PSTPIP2: variants seen among roughly 807,000 people sequenced by gnomAD.
The protein encoded by PSTPIP2 is proline-serine-threonine phosphatase-interacting protein 2.
A neutral mutation model predicts 63.3 loss-of-function variants in PSTPIP2; 33 were observed. That is an observed-to-expected ratio of 0.52 (90% CI 0.40 to 0.70). The LOEUF (loss-of-function observed/expected upper bound fraction) is 0.70. Ranked by LOEUF, PSTPIP2 falls within the 30% of genes least tolerant of loss-of-function variation. PSTPIP2 has a pLI of 0.00. For missense variants in PSTPIP2, 312 were observed against 400.7 expected, an observed-to-expected ratio of 0.78 and a Z score of 1.89; for synonymous variants, 125 against 132.7, an observed-to-expected ratio of 0.94 and a Z score of 0.40.
intron 2 of PSTPIP2, among the ~76,000 whole-genome samples, chr18:46,035,141 G>T (rs760182845): frequency 8.5e-5 from 13 of 152,122 alleles, no homozygotes; most frequent in African/African-American, 2.9e-4. Flanking sequence ...GAGAAATAAG[G>T]TCGGGCATGG....
At chr18:46,042,084 C>T (rs1457057634) in intron 1 of PSTPIP2, among the ~76,000 whole-genome samples, 2 of 152,190 alleles carry the variant, frequency 1.3e-5, no homozygotes, top group Non-Finnish European at 2.9e-5. Context: ...CCTAACAAGC[C>T]ATTTCACCTT....
intron 5 of PSTPIP2, 142 bp from the exon 6 acceptor site, chr18:46,005,673 CCAAA>C (rs2051717510): frequency 8.5e-6 from 6 of 704,248 alleles, no homozygotes; most frequent in Admixed American, 6.5e-5. Context: ...AGAAAAGAGA[CCAAA>C]CAATTTGCCT....
chr18:46,033,969 G>C (rs998185324), intron 2 of PSTPIP2, among the ~76,000 whole-genome samples: 1 of 152,198 alleles, frequency 6.6e-6, no homozygotes, highest in Admixed American at 6.5e-5. Flanking sequence ...GAGGCAATTT[G>C]TCCCAACAGT....
intron 1 of PSTPIP2, among the ~76,000 whole-genome samples, chr18:46,053,512 A>G (rs551003090): frequency 6.6e-6 from 1 of 152,348 alleles, no homozygotes; most frequent in South Asian, 2.1e-4. Flanking sequence ...TCTAATGAAC[A>G]TCTTACATGA....
chr18:46,015,792 T>C, intron 4 of PSTPIP2, 111 bp downstream of exon 4: 1 of 1,202,150 alleles, frequency 8.3e-7, no homozygotes, highest in Non-Finnish European at 1.2e-6. Context: ...GTTGCTCTAA[T>C]TTTTTTTCAC....
intron 14 of PSTPIP2, among the ~76,000 whole-genome samples, chr18:45,988,027 G>A (rs4890609): frequency 0.24 from 36,622 of 152,040 alleles, 6,305 homozygotes; most frequent in African/African-American, 0.47. Flanking sequence ...TTAGATGGTG[G>A]GAGAGTAAGC....
At chr18:46,005,641 A>G in intron 5 of PSTPIP2, 110 bp from the exon 6 acceptor site, 1 of 799,984 alleles carries the variant, frequency 1.3e-6, no homozygotes, top group South Asian at 2.0e-5. Flanking sequence ...CAAAATGATT[A>G]CCCACATTTC....
At chr18:46,049,677 T>C in intron 1 of PSTPIP2, among the ~76,000 whole-genome samples, 1 of 152,074 alleles carries the variant, frequency 6.6e-6, no homozygotes. Context: ...GTCAGGAGAT[T>C]GAGACCATCC....
At chr18:46,068,204 T>C (rs1268277299) in intron 1 of PSTPIP2, among the ~76,000 whole-genome samples, 3 of 152,156 alleles carry the variant, frequency 2.0e-5, no homozygotes, top group Non-Finnish European at 4.4e-5. Context: ...TTATAAGCAA[T>C]CTGGAGAATA....
intron 3 of PSTPIP2, among the ~76,000 whole-genome samples, chr18:46,020,392 C>T (rs1342825233): frequency 5.9e-5 from 9 of 152,302 alleles, no homozygotes; most frequent in South Asian, 4.1e-4. Flanking sequence ...CGGTAGCTCA[C>T]GCCTGTAATC....
At chr18:45,991,020 T>C (rs1016858408) in intron 12 of PSTPIP2, among the ~76,000 whole-genome samples, 16 of 152,120 alleles carry the variant, frequency 1.1e-4, no homozygotes, top group African/African-American at 3.1e-4. Context: ...AGGATTAAAA[T>C]CTTAGCTGGG....
intron 1 of PSTPIP2, among the ~76,000 whole-genome samples, chr18:46,056,089 G>C (rs1262256798): frequency 1.3e-5 from 2 of 152,166 alleles, no homozygotes; most frequent in Admixed American, 1.3e-4. Context: ...CAGCAGAGAT[G>C]GGCTCCCCAC....
Position 46,070,782 on chromosome 18 carries a change from C to T in PSTPIP2, c.33+1374G>A, listed in dbSNP as rs554529128. On this transcript the variant is annotated intron_variant, in intron 1 of 14. Coordinates refer to ENST00000409746, the MANE Select transcript of PSTPIP2 (RefSeq NM_024430.4). ...CAATCCTCCTACCTCGGCCTCCCAA[C>T]GTGCTGGGATCACAGGCATGAGCCA... Among the ~76,000 whole-genome samples the T allele has an allele frequency of 7.8e-4, 119 of 152,260 alleles. 1 individual carries two copies. Among genetic ancestry groups the T allele is most frequent in the Middle Eastern group, 3.4e-3 (1 of 294 alleles).
chr18:46,068,761 A>T (rs555792217), intron 1 of PSTPIP2, among the ~76,000 whole-genome samples: 1 of 152,316 alleles, frequency 6.6e-6, no homozygotes, highest in South Asian at 2.1e-4. Flanking sequence ...TGGTACCTGC[A>T]TGGGAGTCCT....
intron 5 of PSTPIP2, among the ~76,000 whole-genome samples, chr18:46,009,285 A>G (rs187772390): frequency 2.6e-5 from 4 of 151,098 alleles, no homozygotes; most frequent in African/African-American, 7.3e-5. Flanking sequence ...CCAAGAAGTG[A>G]AAGACCAAAG....
At chr18:46,046,848 C>G (rs1231595279) in intron 1 of PSTPIP2, among the ~76,000 whole-genome samples, 1 of 152,242 alleles carries the variant, frequency 6.6e-6, no homozygotes, top group Non-Finnish European at 1.5e-5. Flanking sequence ...CCCACTAGAA[C>G]AGGGAGGAGG....
At chr18:46,047,579 G>A (rs1433055246) in intron 1 of PSTPIP2, among the ~76,000 whole-genome samples, 1 of 152,060 alleles carries the variant, frequency 6.6e-6, no homozygotes, top group Non-Finnish European at 1.5e-5. Flanking sequence ...ACAACAGAGC[G>A]AGAATGTGCC....
At chr18:46,018,170 G>C (rs1182563556) in intron 3 of PSTPIP2, among the ~76,000 whole-genome samples, 1 of 151,734 alleles carries the variant, frequency 6.6e-6, no homozygotes, top group African/African-American at 2.4e-5. Flanking sequence ...GTTAGTTCTA[G>C]TATCTACAGT....
At chr18:46,014,586 G>A (rs2051834213) in intron 4 of PSTPIP2, among the ~76,000 whole-genome samples, 1 of 152,082 alleles carries the variant, frequency 6.6e-6, no homozygotes, top group South Asian at 2.1e-4. Context: ...AGTGGTGCAT[G>A]CCTGTGGGCC....
Sources: allele counts gnomAD v4.1 joint callset (sites outside exome capture counted in the v4.1 genomes callset), GRCh38; gene constraint gnomAD v4.1.1; transcripts MANE v1.5; gene names NCBI Gene and HGNC (gene_info 2026-07-23, HGNC 2026-07-21).